The following GRM7 variants were observed in gnomAD, a reference collection of about 807,000 sequenced individuals.
GRM7 encodes metabotropic glutamate receptor 7.
Under a neutral mutation model 84.5 loss-of-function variants are expected in GRM7, and 35 were observed. The ratio of observed to expected loss-of-function variants is 0.41; its 90% CI spans 0.32 to 0.55. GRM7 has a LOEUF of 0.55. Ranked by LOEUF, GRM7 falls within the 20% of genes least tolerant of loss-of-function variation. GRM7 has a pLI of 0.19. For missense variants in GRM7, 1,003 were observed against 1,194.6 expected, an observed-to-expected ratio of 0.84 and a Z score of 2.36; for synonymous variants, 487 against 455.1, an observed-to-expected ratio of 1.07 and a Z score of -0.89.
At chr3:6,981,280 C>T (rs918672595) in intron 1 of GRM7, among the ~76,000 whole-genome samples, 6 of 152,142 alleles carry the variant, frequency 3.9e-5, no homozygotes, top group Admixed American at 1.3e-4. Context: ...TATAGTTACA[C>T]GCACTGTCTA....
chr3:7,391,841 A>C (rs1051097493), intron 4 of GRM7, among the ~76,000 whole-genome samples: 2 of 151,994 alleles, frequency 1.3e-5, no homozygotes, highest in Non-Finnish European at 2.9e-5. Flanking sequence ...CCCCCAGAGC[A>C]TGTTTGCCTT....
At position 7,579,092 on chromosome 3, in the gene GRM7, T is replaced by C; in HGVS notation, c.2186T>C (p.Ile729Thr). 2 of 1,614,026 alleles carry C rather than the reference T, an allele frequency of 1.2e-6. No homozygotes were observed. Among genetic ancestry groups the C allele is most frequent in the Non-Finnish European group, 1.7e-6 (2 of 1,179,936 alleles). The change falls in exon 8 of 10, where the codon ATC becomes ACC. Residue 729 changes from isoleucine to threonine, a missense_variant. Around this residue, in one of 2 missense-constraint regions of GRM7, gnomAD observed 910 missense variants for 1,126.0 expected, o/e 0.81. Transcript: ENST00000357716. ...TTTGGTGTTGATCCACCCAACATCATCATAGACTATGATGAACACAAGACA... is the reference window on the plus strand; with the variant it reads ...TTTGGTGTTGATCCACCCAACATCACCATAGACTATGATGAACACAAGACA... Reference protein sequence around the residue: ...IWFGVDPPNIIIDYDEHKTMN... With the variant: ...IWFGVDPPNITIDYDEHKTMN...
intron 8 of GRM7, among the ~76,000 whole-genome samples, chr3:7,614,740 T>C (rs1330454933): frequency 6.6e-6 from 1 of 152,188 alleles, no homozygotes; most frequent in Non-Finnish European, 1.5e-5. Flanking sequence ...TGAGTTAAAT[T>C]CTAATAAAAA....
chr3:7,289,690 G>A lies in GRM7; in HGVS notation c.737-8994G>A, dbSNP rs1699551281. ...ATACTATGCAGCCATCAAAAAGAAT[G>A]AGTTCATGTCCTTTGTAGGGACATG... On this transcript the variant is annotated intron_variant, in intron 2 of 9. Coordinates refer to ENST00000357716, the MANE Select transcript of GRM7 (RefSeq NM_000844.4). 2.0e-5 allele frequency among the ~76,000 whole-genome samples: 3 copies of A among 152,114 alleles called. No homozygotes were observed. The South Asian group carries it at 6.2e-4, about 32-fold the overall frequency.
intron 7 of GRM7, among the ~76,000 whole-genome samples, chr3:7,518,257 C>T (rs12495938): frequency 0.093 from 14,175 of 152,114 alleles, 1,086 homozygotes; most frequent in African/African-American, 0.21. Flanking sequence ...TCCAAGGCGT[C>T]AGGGAATTGT....
At chr3:7,121,212 A>C (rs1053669817) in intron 1 of GRM7, among the ~76,000 whole-genome samples, 1 of 152,188 alleles carries the variant, frequency 6.6e-6, no homozygotes, top group Non-Finnish European at 1.5e-5. Context: ...GATTCCATTA[A>C]AAAGAAGTGA....
chr3:7,346,360 G>A (rs532493984), intron 4 of GRM7, among the ~76,000 whole-genome samples: 26 of 152,206 alleles, frequency 1.7e-4, no homozygotes, highest in East Asian at 7.7e-4. Flanking sequence ...AAAGTCATCC[G>A]AAGGTCTTCA....
chr3:7,093,333 C>G (rs949214045), intron 1 of GRM7, among the ~76,000 whole-genome samples: 2 of 151,472 alleles, frequency 1.3e-5, no homozygotes, highest in African/African-American at 4.8e-5. Flanking sequence ...GTGTGTGTGT[C>G]TGTGTGTGTG....
chr3:7,303,108 T>G (rs964112123), intron 3 of GRM7, among the ~76,000 whole-genome samples: 1 of 151,902 alleles, frequency 6.6e-6, no homozygotes, highest in Non-Finnish European at 1.5e-5. Context: ...GGCCAGCTAA[T>G]TTTTTGTATT....
At chr3:7,242,344 T>A (rs1697591691) in intron 2 of GRM7, among the ~76,000 whole-genome samples, 1 of 152,324 alleles carries the variant, frequency 6.6e-6, no homozygotes, top group East Asian at 1.9e-4. Flanking sequence ...ATTTGGTTCA[T>A]CAGAAAATGA....
chr3:7,242,214 G>A (rs1316997775), intron 2 of GRM7, among the ~76,000 whole-genome samples: 1 of 152,170 alleles, frequency 6.6e-6, no homozygotes, highest in Non-Finnish European at 1.5e-5. Flanking sequence ...AAATGATCCA[G>A]AGAAATAGTA....
intron 2 of GRM7, among the ~76,000 whole-genome samples, chr3:7,222,872 C>A (rs1458255174): frequency 1.3e-5 from 2 of 152,166 alleles, no homozygotes; most frequent in African/African-American, 4.8e-5. Context: ...GTCTTTTCAG[C>A]AATTCCAGTT....
At chr3:6,936,971 T>C (rs887920163) in intron 1 of GRM7, among the ~76,000 whole-genome samples, 7 of 152,228 alleles carry the variant, frequency 4.6e-5, no homozygotes, top group Admixed American at 4.6e-4. Flanking sequence ...TTTTAGTCAA[T>C]GGCAAATGAT....
At chr3:7,105,394 A>G (rs1336017777) in intron 1 of GRM7, among the ~76,000 whole-genome samples, 1 of 151,884 alleles carries the variant, frequency 6.6e-6, no homozygotes, top group Non-Finnish European at 1.5e-5. Context: ...GCCTATTGTT[A>G]AGTACAATGG....
At chr3:7,459,619 A>C (rs1415651452) in intron 6 of GRM7, among the ~76,000 whole-genome samples, 1 of 152,110 alleles carries the variant, frequency 6.6e-6, no homozygotes, top group Non-Finnish European at 1.5e-5. Context: ...TAAAGACATC[A>C]GATCTGGTGA....
chr3:7,106,793 C>A (rs1692662111), intron 1 of GRM7, among the ~76,000 whole-genome samples: 1 of 151,998 alleles, frequency 6.6e-6, no homozygotes, highest in South Asian at 2.1e-4. Flanking sequence ...AAGGCAAATG[C>A]ATATTGCGTT....
intron 1 of GRM7, among the ~76,000 whole-genome samples, chr3:7,134,447 A>T (rs887363190): frequency 1.3e-5 from 2 of 152,066 alleles, no homozygotes; most frequent in Admixed American, 6.6e-5. Flanking sequence ...CATCATCATC[A>T]TCATCATCAT....
chr3:7,440,640 G>T (rs1235703424), intron 5 of GRM7, among the ~76,000 whole-genome samples: 1 of 152,080 alleles, frequency 6.6e-6, no homozygotes, highest in Non-Finnish European at 1.5e-5. Context: ...TAGTTTTTCA[G>T]TTCTCATCTT....
At chr3:7,529,121 T>C (rs1700926410) in intron 7 of GRM7, among the ~76,000 whole-genome samples, 1 of 152,114 alleles carries the variant, frequency 6.6e-6, no homozygotes, top group South Asian at 2.1e-4. Flanking sequence ...GTCTGGAAAC[T>C]GAATATTTTT....
Sources: allele counts gnomAD v4.1 joint callset (sites outside exome capture counted in the v4.1 genomes callset), GRCh38; gene constraint gnomAD v4.1.1; regional missense constraint gnomAD v4.1.1; transcripts MANE v1.5; gene names NCBI Gene and HGNC (gene_info 2026-07-23, HGNC 2026-07-21).